GRIA2: variants seen among roughly 807,000 people sequenced by gnomAD.
GRIA2 encodes the protein glutamate ionotropic receptor AMPA type subunit 2.
A neutral mutation model predicts 97.3 loss-of-function variants in GRIA2; 14 were observed. The ratio of observed to expected loss-of-function variants is 0.14; its 90% CI spans 0.10 to 0.23. GRIA2 has a LOEUF of 0.23. Ranked by LOEUF, GRIA2 falls within the 10% of genes least tolerant of loss-of-function variation. The pLI is 1.00. For missense variants in GRIA2, 558 were observed against 1,069.8 expected, an observed-to-expected ratio of 0.52 and a Z score of 6.67; for synonymous variants, 412 against 387.8, an observed-to-expected ratio of 1.06 and a Z score of -0.73.
At chr4:157,321,626 T>C in intron 6 of GRIA2, 27 bp downstream of exon 6, 1 of 1,550,432 alleles carries the variant, frequency 6.4e-7, no homozygotes, top group Non-Finnish European at 8.8e-7. Flanking sequence ...GTCTTTTCTT[T>C]TTCTTTCATA....
At chr4:157,225,831 T>C (rs1729720035) in intron 2 of GRIA2, among the ~76,000 whole-genome samples, 1 of 151,900 alleles carries the variant, frequency 6.6e-6, no homozygotes, top group Admixed American at 6.6e-5. Flanking sequence ...AATAGTAACT[T>C]TCATATTAAT....
rs764113259 is a variant in GRIA2, at chr4:157,221,117, C to T, written c.75C>T (p.Asn25=). The T allele has an allele frequency of 6.6e-7, 1 of 1,520,682 alleles. No homozygotes were observed. The highest frequency in any genetic ancestry group is 9.1e-7 in the Non-Finnish European group (1 of 1,094,686). 94.2% of individuals were successfully genotyped at this position (1,520,682 alleles called of 1,614,324 possible). ...LWGLIFGVSS[N]SIQIGGLFPR... is the part of the protein sequence containing the mutation. ...GACTGATTTTTGGTGTCTCTTCTAA[C>T]AGCATACAGATAGGTAGGTACCCTT... is the stretch of plus-strand genomic sequence containing the variant. The change falls in exon 1 of 16, where the codon AAC becomes AAT. Residue 25 remains asparagine (N), a synonymous_variant. Transcript: ENST00000264426.
intron 4 of GRIA2, among the ~76,000 whole-genome samples, chr4:157,316,569 A>G (rs1345645739): frequency 6.6e-6 from 1 of 152,032 alleles, no homozygotes; most frequent in Non-Finnish European, 1.5e-5. Context: ...TTCCAAGCAG[A>G]CAAGCAGAGG....
intron 11 of GRIA2, among the ~76,000 whole-genome samples, chr4:157,340,904 T>C (rs550202138): frequency 1.3e-5 from 2 of 152,068 alleles, no homozygotes; most frequent in South Asian, 4.1e-4. Context: ...TTGCTGGTGA[T>C]ATTACATTCT....
chr4:157,311,103 TTAGCTAGAG>T (rs1429880407), intron 3 of GRIA2, among the ~76,000 whole-genome samples: 1 of 152,032 alleles, frequency 6.6e-6, no homozygotes, highest in Non-Finnish European at 1.5e-5. Context: ...CCATCATCTA[TTAGCTAGAG>T]TATTTCCAAA....
chr4:157,254,405 T>C (rs1731149531), intron 2 of GRIA2, among the ~76,000 whole-genome samples: 1 of 152,066 alleles, frequency 6.6e-6, no homozygotes, highest in Non-Finnish European at 1.5e-5. Flanking sequence ...TCATAGAAGA[T>C]AGAGTTAACC....
Position 157,312,860 on chromosome 4 carries a change from C to A in GRIA2, c.651C>A (p.Asn217Lys). 1 of 1,590,168 alleles carries A rather than the reference C, an allele frequency of 6.3e-7. No individual in the cohort carries two copies. Among genetic ancestry groups the A allele is most frequent in the Non-Finnish European group, 8.6e-7 (1 of 1,166,458 alleles). The part of the protein sequence containing the change: ...VILDCERDKV[N>K]DIVDQVITIG... ...TGGACTGTGAAAGGGATAAAGTAAACGACATTGTAGACCAGGTTTGCTACT... is the reference window on the plus strand; with the variant it reads ...TGGACTGTGAAAGGGATAAAGTAAAAGACATTGTAGACCAGGTTTGCTACT... Residue 217 changes from asparagine to lysine, a missense_variant, in exon 4 of 16, where the codon AAC becomes AAA. Asn to Lys is a moderately conservative substitution (Grantham distance 94). This residue lies in a region of GRIA2 where 173 missense variants were observed against 209.1 expected (regional missense o/e 0.83). Coordinates refer to ENST00000264426, the MANE Select transcript of GRIA2 (RefSeq NM_001083619.3).
chr4:157,254,744 TCTA>T (rs1293956712), intron 2 of GRIA2, among the ~76,000 whole-genome samples: 3 of 152,070 alleles, frequency 2.0e-5, no homozygotes, highest in Non-Finnish European at 4.4e-5. Context: ...ACGTTTTACT[TCTA>T]CTAATTTGTT....
chr4:157,361,733 T>C lies in GRIA2; in HGVS notation c.2406+609T>C. 2.2e-6 allele frequency: 2 copies of C among 927,678 alleles called. No individual in the cohort carries two copies. The highest frequency in any genetic ancestry group is 3.5e-6 in the Non-Finnish European group (2 of 573,894). 57.5% of individuals were successfully genotyped at this position (927,678 alleles called of 1,614,324 possible). On this transcript the variant is annotated intron_variant, in intron 14 of 15. Coordinates refer to ENST00000264426, the MANE Select transcript of GRIA2 (RefSeq NM_001083619.3). The surrounding 1 kb of genome is among the most constrained non-coding windows in gnomAD (Gnocchi z 5.2). The stretch of plus-strand genomic sequence containing the variant: ...CAAACCACAAGTGTGTTAGTGGGAA[T>C]GACCCATCTTAAATAGAATGTAAAT...
At chr4:157,294,444 A>C (rs372653504) in intron 2 of GRIA2, among the ~76,000 whole-genome samples, 93 of 152,102 alleles carry the variant, frequency 6.1e-4, no homozygotes, top group Middle Eastern at 3.4e-3. Context: ...ATAAACATGA[A>C]GAAGAGAAAA....
intron 4 of GRIA2, among the ~76,000 whole-genome samples, 159 bp from the exon 5 acceptor site, chr4:157,317,498 AT>A (rs1246282702): frequency 6.6e-6 from 1 of 152,134 alleles, no homozygotes; most frequent in African/African-American, 2.4e-5. Context: ...ATATTATCTA[AT>A]TTTGATAATT....
chr4:157,226,935 A>G (rs975219686), intron 2 of GRIA2, among the ~76,000 whole-genome samples: 1 of 152,174 alleles, frequency 6.6e-6, no homozygotes, highest in African/African-American at 2.4e-5. Context: ...GCCTCTTTGT[A>G]TGTCAGAATA....
chr4:157,327,845 A>G (rs1215156419), intron 6 of GRIA2, among the ~76,000 whole-genome samples: 1 of 152,086 alleles, frequency 6.6e-6, no homozygotes, highest in Non-Finnish European at 1.5e-5. Context: ...TCTGCCTGAA[A>G]ATAGTATAAT....
At chr4:157,240,076 T>G (rs1730436255) in intron 2 of GRIA2, among the ~76,000 whole-genome samples, 3 of 151,872 alleles carry the variant, frequency 2.0e-5, no homozygotes, top group Admixed American at 2.0e-4. Flanking sequence ...TTCATATGCT[T>G]TAAATACATT....
chr4:157,246,358 T>A (rs1286448445), intron 2 of GRIA2, among the ~76,000 whole-genome samples: 1 of 152,122 alleles, frequency 6.6e-6, no homozygotes, highest in African/African-American at 2.4e-5. Context: ...ATATAGAAAG[T>A]GCTCAATAAA....
rs1736778777 is a variant in GRIA2 at position 157,364,297 on chromosome 4, G to A, written c.*866G>A. On this transcript the variant is annotated 3_prime_UTR_variant, in exon 16 of 16. Transcript: ENST00000264426. ...TTTTTCTATTGTTTTATTGCAAGTG[G>A]TCCAATTAATTTTGCTTAGCTACAG... 1 of 152,280 alleles carries A rather than the reference G, an allele frequency of 6.6e-6. No homozygotes were observed. Among genetic ancestry groups the A allele is most frequent in the African/African-American group, 2.4e-5 (1 of 41,368 alleles). 9.4% of individuals were successfully genotyped at this position (152,280 alleles called of 1,614,324 possible). A position where few individuals can be genotyped will look rare whatever the true frequency, so the allele number is the denominator to read the frequency against.
chr4:157,359,892 G>T lies in GRIA2; in HGVS notation c.2044-4G>T, dbSNP rs755547602. ...TGCTATCTGGCCCCTTACTTTTCCT[G>T]CAGAGATCTAAAATTGCAGTGTTTG... On this transcript the variant is annotated splice_polypyrimidine_tract_variant and splice_region_variant and intron_variant, in intron 12 of 15. Transcript: ENST00000264426. 1.9e-6 allele frequency: 3 copies of T among 1,612,922 alleles called. No homozygotes were observed. Among genetic ancestry groups the T allele is most frequent in the Middle Eastern group, 1.7e-4 (1 of 6,056 alleles).
chr4:157,343,825 A>C (rs1468101094), intron 12 of GRIA2, among the ~76,000 whole-genome samples: 2 of 152,140 alleles, frequency 1.3e-5, no homozygotes, highest in Non-Finnish European at 2.9e-5. Context: ...TATGTATATA[A>C]AAGTTTTGTT....
chr4:157,237,731 C>A (rs750620596), intron 2 of GRIA2, among the ~76,000 whole-genome samples: 2 of 152,034 alleles, frequency 1.3e-5, no homozygotes, highest in Admixed American at 1.3e-4. Flanking sequence ...GTGTTGTTAT[C>A]ATAAATTGTG....
Sources: allele counts gnomAD v4.1 joint callset (sites outside exome capture counted in the v4.1 genomes callset), GRCh38; gene constraint gnomAD v4.1.1; regional missense constraint gnomAD v4.1.1; non-coding constraint Gnocchi (gnomAD v3.1); transcripts MANE v1.5; gene names NCBI Gene and HGNC (gene_info 2026-07-23, HGNC 2026-07-21).